METTL25: variants seen among roughly 807,000 people sequenced by gnomAD.
The protein encoded by METTL25 is probable methyltransferase-like protein 25.
METTL25 carries 64 observed loss-of-function variants against 71.6 expected under a neutral mutation model. The ratio of observed to expected loss-of-function variants is 0.89; its 90% confidence interval spans 0.73 to 1.10. The LOEUF (loss-of-function observed/expected upper bound fraction) is 1.10, where lower values mean the gene tolerates loss of function less well. METTL25 is among the 50% of genes least tolerant of loss of function. The probability of loss-of-function intolerance (pLI) is 0.00; values close to 1 mark genes in which losing one functional copy is unlikely to be tolerated. For synonymous variants in METTL25, 287 were observed against 250.3 expected (o/e 1.15, Z -1.38); for missense variants, 807 against 707.0 (o/e 1.14, Z -1.60).
At chr12:82,397,772 T>C (rs55887136) in intron 3 of METTL25, among the ~76,000 whole-genome samples, 11,414 of 152,054 alleles carry the variant, frequency 0.075, 717 homozygotes, top group African/African-American at 0.17. Flanking sequence ...ATTTCTGTAC[T>C]GTTTTTTCCC....
At chr12:82,436,716 CAA>C (rs1889942763) in intron 7 of METTL25, among the ~76,000 whole-genome samples, 1 of 151,342 alleles carries the variant, frequency 6.6e-6, no homozygotes, top group Admixed American at 6.6e-5. Context: ...ATTTTAATAA[CAA>C]TATAAATACA....
chr12:82,372,406 A>G (rs1307688957), intron 1 of METTL25, among the ~76,000 whole-genome samples: 2 of 152,164 alleles, frequency 1.3e-5, no homozygotes, highest in African/African-American at 2.4e-5. Context: ...AAGGGGAGCT[A>G]TAGGGAGGCT....
At chr12:82,468,147 T>G (rs1040017450) in intron 9 of METTL25, among the ~76,000 whole-genome samples, 1 of 152,116 alleles carries the variant, frequency 6.6e-6, no homozygotes, top group East Asian at 1.9e-4. Context: ...TTTGCTAAAT[T>G]TTTTAAAATA....
At chr12:82,475,265 T>C (rs1892819237) in intron 9 of METTL25, among the ~76,000 whole-genome samples, 1 of 152,184 alleles carries the variant, frequency 6.6e-6, no homozygotes, top group Non-Finnish European at 1.5e-5. Flanking sequence ...TCTGCTACCT[T>C]GAAGTTCAGG....
At chr12:82,477,135 C>T in intron 10 of METTL25, 146 bp from the exon 11 acceptor site, 1 of 466,864 alleles carries the variant, frequency 2.1e-6, no homozygotes, top group Non-Finnish European at 3.8e-6. Context: ...CTGAAATATT[C>T]ATTTTCTGAA....
intron 1 of METTL25, among the ~76,000 whole-genome samples, chr12:82,383,315 T>C (rs1228738146): frequency 7.6e-6 from 1 of 130,910 alleles, no homozygotes; most frequent in African/African-American, 2.8e-5. Context: ...GCTGGGACAA[T>C]GCTTTTCTTT....
chr12:82,389,443 G>A (rs1052567051), intron 2 of METTL25, among the ~76,000 whole-genome samples: 1 of 151,930 alleles, frequency 6.6e-6, no homozygotes, highest in Non-Finnish European at 1.5e-5. Flanking sequence ...ATAGGAGTTT[G>A]TTTTATTTTA....
intron 1 of METTL25, among the ~76,000 whole-genome samples, chr12:82,386,181 C>T (rs998079425): frequency 6.6e-6 from 1 of 152,134 alleles, no homozygotes; most frequent in Non-Finnish European, 1.5e-5. Flanking sequence ...ATTGACAGTG[C>T]ATTGAGCACG....
chr12:82,383,251 T>C (rs1884618182), intron 1 of METTL25, among the ~76,000 whole-genome samples: 1 of 151,942 alleles, frequency 6.6e-6, no homozygotes, highest in South Asian at 2.1e-4. Context: ...CTCGGCTCAC[T>C]GCAACCTCTG....
At chr12:82,363,138 A>T (rs982594258) in intron 1 of METTL25, among the ~76,000 whole-genome samples, 4 of 152,296 alleles carry the variant, frequency 2.6e-5, no homozygotes, top group Middle Eastern at 3.4e-3. Flanking sequence ...GAGATCTAAG[A>T]TCTGAGTATA....
intron 9 of METTL25, among the ~76,000 whole-genome samples, chr12:82,460,220 C>A (rs961237486): frequency 1.3e-5 from 2 of 152,064 alleles, no homozygotes. Flanking sequence ...TGTCTAGACC[C>A]CCCTTATATA....
intron 1 of METTL25, among the ~76,000 whole-genome samples, chr12:82,363,987 T>A (rs561944813): frequency 6.6e-6 from 1 of 152,348 alleles, no homozygotes; most frequent in African/African-American, 2.4e-5. Context: ...TTAAGGAATA[T>A]TTAATTATAG....
At chr12:82,390,703 G>T (rs1004961007) in intron 3 of METTL25, among the ~76,000 whole-genome samples, 7 of 152,028 alleles carry the variant, frequency 4.6e-5, no homozygotes, top group Admixed American at 2.0e-4. Context: ...TGGCAACATG[G>T]ATCTCTAGGG....
intron 9 of METTL25, among the ~76,000 whole-genome samples, chr12:82,470,793 A>G (rs1007960476): frequency 6.6e-6 from 1 of 152,176 alleles, no homozygotes; most frequent in Admixed American, 6.5e-5. Flanking sequence ...TCACAATTCA[A>G]TTGTGAGGCT....
At chr12:82,452,204 C>T (rs956737714) in intron 8 of METTL25, among the ~76,000 whole-genome samples, 3 of 152,182 alleles carry the variant, frequency 2.0e-5, no homozygotes, top group Non-Finnish European at 4.4e-5. Context: ...ATAGCGCGTT[C>T]TCTTATAAAT....
intron 9 of METTL25, among the ~76,000 whole-genome samples, chr12:82,467,971 T>G (rs915737873): frequency 6.6e-6 from 1 of 151,934 alleles, no homozygotes; most frequent in Non-Finnish European, 1.5e-5. Flanking sequence ...CTATAGGCTT[T>G]TTTTTATTTT....
intron 9 of METTL25, among the ~76,000 whole-genome samples, chr12:82,458,365 A>T (rs2642023): frequency 0.92 from 139,715 of 152,144 alleles, 64,556 homozygotes; most frequent in East Asian, 1. Flanking sequence ...CCACAGATCT[A>T]ATGAGAAGTG....
intron 5 of METTL25, among the ~76,000 whole-genome samples, chr12:82,428,048 G>T (rs1038963936): frequency 6.6e-6 from 1 of 151,860 alleles, no homozygotes; most frequent in Non-Finnish European, 1.5e-5. Flanking sequence ...TGTTTGCATG[G>T]TCTTAGTTTG....
intron 9 of METTL25, among the ~76,000 whole-genome samples, chr12:82,461,780 C>T (rs1891894776): frequency 2.0e-5 from 3 of 152,088 alleles, no homozygotes; most frequent in Non-Finnish European, 4.4e-5. Context: ...GACTTTAACT[C>T]ATGAAAGTCT....
Sources: allele counts gnomAD v4.1 joint callset (sites outside exome capture counted in the v4.1 genomes callset), GRCh38; gene constraint gnomAD v4.1.1; transcripts MANE v1.5; gene names NCBI Gene and HGNC (gene_info 2026-07-23, HGNC 2026-07-21).